ATG10: variants seen among roughly 807,000 people sequenced by gnomAD.
ATG10 encodes the protein autophagy related 10.
ATG10 carries 30 observed loss-of-function variants against 32.1 expected under a neutral mutation model. The observed-to-expected ratio is 0.94, with a 90% confidence interval of 0.70 to 1.27. The LOEUF (loss-of-function observed/expected upper bound fraction) is 1.27, where lower values mean the gene tolerates loss of function less well. Among genes scored for constraint, ATG10 ranks in the 50% most tolerant of loss-of-function variants. The probability of loss-of-function intolerance (pLI) is 0.00; values close to 1 mark genes in which losing one functional copy is unlikely to be tolerated. For missense variants in ATG10, 233 were observed against 262.3 expected (o/e 0.89, Z 0.77); for synonymous variants, 87 against 91.5 (o/e 0.95, Z 0.28).
chr5:81,987,419 C>T, intron 1 of ATG10, 140 bp from the exon 2 acceptor site: 1 of 587,912 alleles, frequency 1.7e-6, no homozygotes, highest in South Asian at 2.1e-5. Flanking sequence ...GCCACCACGC[C>T]TGGCCAAAAC....
At chr5:82,046,438 T>C (rs1192970828) in intron 2 of ATG10, among the ~76,000 whole-genome samples, 1 of 152,134 alleles carries the variant, frequency 6.6e-6, no homozygotes, top group Admixed American at 6.5e-5. Flanking sequence ...GTAATAAGTT[T>C]CCAAGTTGGC....
At chr5:82,218,028 T>G (rs1010726646) in intron 5 of ATG10, among the ~76,000 whole-genome samples, 1 of 144,800 alleles carries the variant, frequency 6.9e-6, no homozygotes, top group Non-Finnish European at 1.5e-5. Context: ...TAAGGAAGGT[T>G]ATAACAGAAC....
chr5:82,083,371 G>A (rs917902495), intron 3 of ATG10, among the ~76,000 whole-genome samples: 1 of 152,206 alleles, frequency 6.6e-6, no homozygotes, highest in African/African-American at 2.4e-5. Flanking sequence ...GCTCAAGGAG[G>A]CCTGCCTGCC....
At chr5:82,037,246 T>C (rs1762955667) in intron 2 of ATG10, among the ~76,000 whole-genome samples, 1 of 63,542 alleles carries the variant, frequency 1.6e-5, no homozygotes. Context: ...TTTTTTTTTT[T>C]TTTTTTTTTT....
chr5:82,085,173 G>A (rs142428594), intron 3 of ATG10, among the ~76,000 whole-genome samples: 9,548 of 152,008 alleles, frequency 0.063, 383 homozygotes, highest in Non-Finnish European at 0.09. Context: ...AAAAGCAGGG[G>A]TTGCAATCCT....
chr5:82,008,253 A>G (rs1278683532), intron 2 of ATG10, among the ~76,000 whole-genome samples: 3 of 152,150 alleles, frequency 2.0e-5, no homozygotes, highest in Non-Finnish European at 2.9e-5. Flanking sequence ...TAAAGATTAA[A>G]TATATTGCAT....
At chr5:81,973,167 T>A (rs1272151091) in intron 1 of ATG10, 7 of 152,370 alleles carry the variant, frequency 4.6e-5, no homozygotes, top group Non-Finnish European at 1.0e-4. Flanking sequence ...TCTTGCTCTG[T>A]CGCCCAGGCT....
intron 3 of ATG10, among the ~76,000 whole-genome samples, chr5:82,097,420 T>C (rs758373723): frequency 3.3e-5 from 5 of 152,260 alleles, no homozygotes; most frequent in Non-Finnish European, 5.9e-5. Flanking sequence ...TCTAGGACCA[T>C]CTTAAATTAC....
At chr5:82,187,242 C>T (rs189039257) in intron 5 of ATG10, among the ~76,000 whole-genome samples, 2 of 152,186 alleles carry the variant, frequency 1.3e-5, no homozygotes, top group Admixed American at 6.5e-5. Flanking sequence ...TGGTGGCTTA[C>T]ACCTGTAATT....
intron 1 of ATG10, among the ~76,000 whole-genome samples, chr5:81,981,246 T>C (rs907228594): frequency 1.3e-5 from 2 of 152,222 alleles, no homozygotes; most frequent in Admixed American, 1.3e-4. Flanking sequence ...GCTAATCTTT[T>C]AGCATGATTC....
intron 1 of ATG10, 192 bp downstream of exon 1, chr5:81,972,498 G>A (rs3797906): frequency 6.6e-6 from 1 of 152,378 alleles, no homozygotes; most frequent in Non-Finnish European, 1.5e-5. Flanking sequence ...CGCGAGCGGG[G>A]AAGGGCGAGG....
intron 3 of ATG10, among the ~76,000 whole-genome samples, chr5:82,151,626 CA>C (rs530575677): frequency 0.29 from 28,209 of 98,418 alleles, 2,706 homozygotes; most frequent in Middle Eastern, 0.39. Context: ...ATCCCTGGAA[CA>C]AAAAAAAAAA....
intron 2 of ATG10, among the ~76,000 whole-genome samples, chr5:82,038,326 G>A (rs1762993703): frequency 6.6e-6 from 1 of 152,128 alleles, no homozygotes; most frequent in African/African-American, 2.4e-5. Context: ...TTTATCCATT[G>A]GTTTCCTTTG....
At chr5:82,039,058 C>G (rs1233614125) in intron 2 of ATG10, among the ~76,000 whole-genome samples, 2 of 152,114 alleles carry the variant, frequency 1.3e-5, no homozygotes, top group African/African-American at 2.4e-5. Flanking sequence ...TTTGCCCAGG[C>G]TTGTCTTGAA....
At chr5:82,136,055 T>C (rs1766728708) in intron 3 of ATG10, among the ~76,000 whole-genome samples, 1 of 152,188 alleles carries the variant, frequency 6.6e-6, no homozygotes, top group South Asian at 2.1e-4. Flanking sequence ...GATTTTTTGT[T>C]TTTTTGCTTT....
intron 5 of ATG10, among the ~76,000 whole-genome samples, chr5:82,186,790 T>C (rs574182659): frequency 3.9e-4 from 59 of 152,216 alleles, no homozygotes; most frequent in African/African-American, 1.3e-3. Context: ...CCCCATTAGC[T>C]TGGCTGGTCT....
chr5:82,238,305 C>T (rs546113429), intron 5 of ATG10, among the ~76,000 whole-genome samples: 18 of 152,306 alleles, frequency 1.2e-4, no homozygotes, highest in African/African-American at 4.3e-4. Flanking sequence ...AATCTTTCTT[C>T]GCAGCTTTTC....
chr5:82,119,250 C>G (rs1765945046), intron 3 of ATG10, among the ~76,000 whole-genome samples: 1 of 152,096 alleles, frequency 6.6e-6, no homozygotes, highest in Admixed American at 6.6e-5. Context: ...GTTTTTTCTA[C>G]AGATTTTTGT....
At chr5:82,111,932 C>G (rs776893117) in intron 3 of ATG10, among the ~76,000 whole-genome samples, 4 of 151,874 alleles carry the variant, frequency 2.6e-5, no homozygotes, top group Non-Finnish European at 4.4e-5. Flanking sequence ...GAAACTAACA[C>G]TACAAAAGAA....
Sources: allele counts gnomAD v4.1 joint callset (sites outside exome capture counted in the v4.1 genomes callset), GRCh38; gene constraint gnomAD v4.1.1; transcripts MANE v1.5; gene names NCBI Gene and HGNC (gene_info 2026-07-23, HGNC 2026-07-21).